The following PTPRJ variants were observed in gnomAD, a reference collection of about 807,000 sequenced individuals.
PTPRJ encodes receptor-type tyrosine-protein phosphatase eta.
Under a neutral mutation model 141.3 loss-of-function variants are expected in PTPRJ, and 129 were observed. That is an observed-to-expected ratio of 0.91 (90% CI 0.79 to 1.06). The LOEUF is 1.06. Among genes scored for constraint, PTPRJ ranks in the 50% least tolerant of loss-of-function variants. The pLI, the probability that PTPRJ is intolerant of heterozygous loss-of-function variation, is 0.00. For synonymous variants in PTPRJ, 610 were observed against 640.5 expected (o/e 0.95, Z 0.72); for missense variants, 1,601 against 1,679.7 (o/e 0.95, Z 0.82).
intron 1 of PTPRJ, among the ~76,000 whole-genome samples, chr11:47,994,801 G>A (rs1020180732): frequency 1.9e-4 from 29 of 152,170 alleles, no homozygotes; most frequent in African/African-American, 7.0e-4. Flanking sequence ...AAATTATTTT[G>A]TAATGTTTTT....
At chr11:48,017,695 C>T (rs577371110) in intron 1 of PTPRJ, among the ~76,000 whole-genome samples, 1 of 152,094 alleles carries the variant, frequency 6.6e-6, no homozygotes, top group Non-Finnish European at 1.5e-5. Context: ...CTGCATGCAC[C>T]GTGTTTGTGG....
intron 1 of PTPRJ, among the ~76,000 whole-genome samples, chr11:48,030,935 T>C (rs1481586517): frequency 1.3e-5 from 2 of 152,078 alleles, no homozygotes; most frequent in Admixed American, 1.3e-4. Context: ...AGATACAATA[T>C]GTATAAAATT....
intron 1 of PTPRJ, among the ~76,000 whole-genome samples, chr11:48,068,485 A>G (rs1855143440): frequency 1.3e-5 from 2 of 152,096 alleles, no homozygotes; most frequent in African/African-American, 4.8e-5. Context: ...GTAAGATGTG[A>G]CTTTGCGCCT....
intron 1 of PTPRJ, among the ~76,000 whole-genome samples, chr11:48,042,197 T>C (rs1353223061): frequency 6.6e-6 from 1 of 151,738 alleles, no homozygotes; most frequent in Non-Finnish European, 1.5e-5. Context: ...CAATGAGGAG[T>C]TATGTTATAA....
chr11:48,086,094 AAAG>A (rs1565295411), intron 1 of PTPRJ, among the ~76,000 whole-genome samples: 3 of 152,352 alleles, frequency 2.0e-5, no homozygotes, highest in African/African-American at 7.2e-5. Flanking sequence ...TGAAACAGTG[AAAG>A]AAGATTTTAG....
intron 1 of PTPRJ, among the ~76,000 whole-genome samples, chr11:48,000,982 A>ATTTT (rs1002159076): frequency 1.2e-3 from 142 of 122,860 alleles, no homozygotes; most frequent in Middle Eastern, 4.6e-3. Flanking sequence ...GTCCCATATA[A>ATTTT]TTTTTTTTTT....
chr11:48,149,440 A>T lies in PTPRJ; in HGVS notation c.3000-7A>T. 6.6e-7 allele frequency: 1 copy of T among 1,510,368 alleles called. No individual in the cohort carries two copies. Among genetic ancestry groups the T allele is most frequent in the African/African-American group, 1.4e-5 (1 of 71,780 alleles). The allele number at this position is 1,510,368 out of a possible 1,614,324, so 93.6% of individuals were successfully genotyped here. A position where few individuals can be genotyped will look rare whatever the true frequency, so the allele number is the denominator to read the frequency against. On this transcript the variant is annotated splice_polypyrimidine_tract_variant and splice_region_variant and intron_variant, in intron 15 of 24. Coordinates refer to ENST00000418331, the MANE Select transcript of PTPRJ (RefSeq NM_002843.4). ...TTGTCTAATGGGTCTCTTTTCTCTT[A>T]AAACAGGAAAGATGCAAAGAATAAT... is the stretch of plus-strand genomic sequence containing the variant.
chr11:48,028,391 G>T (rs941770209), intron 1 of PTPRJ, among the ~76,000 whole-genome samples: 1 of 152,210 alleles, frequency 6.6e-6, no homozygotes, highest in East Asian at 1.9e-4. Flanking sequence ...CACTGCTAAA[G>T]TAGGCTTAGA....
At chr11:48,014,926 G>C (rs994521625) in intron 1 of PTPRJ, among the ~76,000 whole-genome samples, 1 of 151,964 alleles carries the variant, frequency 6.6e-6, no homozygotes, top group African/African-American at 2.4e-5. Context: ...GGCTGGTCTC[G>C]AGCTCCTGAC....
chr11:48,153,480 G>A (rs1327890358), intron 18 of PTPRJ, among the ~76,000 whole-genome samples: 10 of 120,410 alleles, frequency 8.3e-5, no homozygotes, highest in East Asian at 2.6e-4. Context: ...GCGACAGAGC[G>A]AGACTCTGTC....
intron 8 of PTPRJ, chr11:48,132,104 AG>A: frequency 6.1e-6 from 6 of 985,036 alleles, no homozygotes; most frequent in Non-Finnish European, 6.0e-6. Flanking sequence ...GAGAGCAAAA[AG>A]TTTAAGAACC....
chr11:48,123,974 A>G, intron 5 of PTPRJ, 104 bp downstream of exon 5: 2 of 1,307,624 alleles, frequency 1.5e-6, no homozygotes, highest in Non-Finnish European at 2.1e-6. Flanking sequence ...GAGATTTAGA[A>G]TTTATAAAGG....
chr11:48,130,467 C>G lies in PTPRJ; in HGVS notation c.1366C>G (p.Pro456Ala), dbSNP rs374837260. ...GFLQVHTPPV[P>A]VSDFRVTVVS... ...TTACTTTCTTTGCATAGCCCCTGTTCCAGTTTCTGACTTCCGAGTGACAGT... is the reference window on the plus strand; with the variant it reads ...TTACTTTCTTTGCATAGCCCCTGTTGCAGTTTCTGACTTCCGAGTGACAGT... Residue 456 changes from proline (P) to alanine (A), a missense_variant, in exon 8 of 25, where the codon CCA becomes GCA. Pro to Ala is a conservative substitution (Grantham distance 27). Coordinates refer to ENST00000418331, the MANE Select transcript of PTPRJ (RefSeq NM_002843.4). 1.6e-5 allele frequency: 25 copies of G among 1,610,298 alleles called. No individual in the cohort carries two copies. Among genetic ancestry groups the G allele is most frequent in the Middle Eastern group, 3.3e-4 (2 of 6,070 alleles).
chr11:48,137,385 A>G, intron 10 of PTPRJ, 104 bp downstream of exon 10: 2 of 1,299,976 alleles, frequency 1.5e-6, no homozygotes, highest in South Asian at 1.4e-5. Flanking sequence ...TGTGATGTGC[A>G]GTGATGGACA....
At chr11:48,072,105 A>G (rs144055279) in intron 1 of PTPRJ, among the ~76,000 whole-genome samples, 8,174 of 151,920 alleles carry the variant, frequency 0.054, 198 homozygotes, top group Middle Eastern at 0.068. Context: ...GGGTTTCACC[A>G]TGTTGGCCAG....
intron 1 of PTPRJ, chr11:48,014,386 A>G (rs1854898419): frequency 6.6e-6 from 1 of 152,204 alleles, no homozygotes; most frequent in Admixed American, 6.5e-5. Flanking sequence ...TGTTTTCCCT[A>G]GATTTTTGTT....
Position 48,139,603 on chromosome 11 carries a change from G to C in PTPRJ, c.2270G>C (p.Gly757Ala). 1 of 1,614,256 alleles carries C rather than the reference G, an allele frequency of 6.2e-7. No individual in the cohort carries two copies. Among genetic ancestry groups the C allele is most frequent in the Non-Finnish European group, 8.5e-7 (1 of 1,180,044 alleles). Reference protein sequence around the residue: ...NAGFELEVSSGAWNNATHLES... With the variant: ...NAGFELEVSSAAWNNATHLES... The stretch of plus-strand genomic sequence containing the variant: ...GGCTTTGAGCTGGAGGTCAGCAGTG[G>C]AGCCTGGAACAATGCGACCCACCTG... The change falls in exon 11 of 25, where the codon GGA (glycine) becomes GCA (alanine). Residue 757 changes from glycine to alanine, a missense_variant. Transcript: ENST00000418331.
chr11:48,078,795 G>GTTTTTTTT (rs55980751), intron 1 of PTPRJ, among the ~76,000 whole-genome samples: 1 of 96,274 alleles, frequency 1.0e-5, no homozygotes, highest in Non-Finnish European at 2.0e-5. Context: ...TCTGTAAATA[G>GTTTTTTTT]TTTTTTTTTT....
intron 1 of PTPRJ, among the ~76,000 whole-genome samples, chr11:48,076,624 C>G (rs1039485): frequency 0.55 from 83,608 of 151,594 alleles, 27,712 homozygotes; most frequent in East Asian, 0.8. Context: ...ACATACTTGC[C>G]ACTGAAGCCT....
Sources: allele counts gnomAD v4.1 joint callset (sites outside exome capture counted in the v4.1 genomes callset), GRCh38; gene constraint gnomAD v4.1.1; transcripts MANE v1.5; gene names NCBI Gene and HGNC (gene_info 2026-07-23, HGNC 2026-07-21).